PON2: variants seen among roughly 807,000 people sequenced by gnomAD.
PON2 encodes paraoxonase 2.
A neutral mutation model predicts 36.6 loss-of-function variants in PON2; 27 were observed. The ratio of observed to expected loss-of-function variants is 0.74; its 90% CI spans 0.54 to 1.02. The LOEUF (loss-of-function observed/expected upper bound fraction) is 1.02, where lower values mean the gene tolerates loss of function less well. Among genes scored for constraint, PON2 ranks in the 50% least tolerant of loss-of-function variants. The pLI, the probability that PON2 is intolerant of heterozygous loss-of-function variation, is 0.00. For missense variants in PON2, 363 were observed against 421.1 expected (o/e 0.86, Z 1.21); for synonymous variants, 149 against 156.3 (o/e 0.95, Z 0.35).
At chr7:95,405,954 A>C (rs1370883458) in intron 8 of PON2, among the ~76,000 whole-genome samples, 165 bp downstream of exon 8, 4 of 152,234 alleles carry the variant, frequency 2.6e-5, no homozygotes, top group Non-Finnish European at 5.9e-5. Flanking sequence ...TGAACAATGT[A>C]ACATTCTGCC....
rs1290259327 is a variant in PON2 at position 95,405,186 on chromosome 7, A to C, written c.*144T>G. 2.3e-6 allele frequency: 2 copies of C among 860,118 alleles called. No homozygotes were observed. Among genetic ancestry groups the C allele is most frequent in the African/African-American group, 1.7e-5 (1 of 58,654 alleles). The allele number at this position is 860,118 out of a possible 1,614,324, so 53.3% of individuals were successfully genotyped here. A position where few individuals can be genotyped will look rare whatever the true frequency, so the allele number is the denominator to read the frequency against. On this transcript the variant is annotated 3_prime_UTR_variant, in exon 9 of 9. Coordinates refer to ENST00000222572, the MANE Select transcript of PON2 (RefSeq NM_000305.3). ...TTTTGTTAAAAGTGCTCTAAGAACT[A>C]AAAGGGCCGTTCCTTACTGGAATAA...
chr7:95,420,818 T>C (rs1207805800), intron 2 of PON2, among the ~76,000 whole-genome samples: 1 of 152,182 alleles, frequency 6.6e-6, no homozygotes, highest in Non-Finnish European at 1.5e-5. Context: ...TTTGCCTGTA[T>C]AGAAATGTGT....
intron 3 of PON2, among the ~76,000 whole-genome samples, chr7:95,414,467 C>G (rs766504187): frequency 7.2e-5 from 11 of 152,096 alleles, no homozygotes; most frequent in Admixed American, 3.9e-4. Flanking sequence ...ATCTTTGTAA[C>G]TATAACATGC....
chr7:95,424,270 C>CTT lies in PON2; in HGVS notation c.145+244_145+245insAA. ...AAAATAGTTCAGAGAAGTCACAAAA[C>CTT]AAGCAAGAAATCAAATGCTAAACAT... On this transcript the variant is annotated intron_variant, in intron 2 of 8. Coordinates refer to ENST00000222572, the MANE Select transcript of PON2 (RefSeq NM_000305.3). 5.7e-6 allele frequency: 3 copies of CTT among 528,040 alleles called. No homozygotes were observed. In the South Asian group the frequency reaches 6.6e-5, roughly 12 times the overall value. 32.7% of individuals were successfully genotyped at this position (528,040 alleles called of 1,614,324 possible).
At chr7:95,418,447 T>C (rs1789121270) in intron 2 of PON2, 1 of 152,196 alleles carries the variant, frequency 6.6e-6, no homozygotes, top group Non-Finnish European at 1.5e-5. Context: ...TTAATGAATT[T>C]CCTCTCTCAG....
At chr7:95,434,815 G>A (rs1199672778) in intron 1 of PON2, 63 bp downstream of exon 1, 15 of 1,508,066 alleles carry the variant, frequency 9.9e-6, no homozygotes, top group South Asian at 8.6e-5. Flanking sequence ...CGCCCTCCCC[G>A]CACCACGCGG....
At chr7:95,406,877 T>C (rs549788935) in intron 7 of PON2, 110 bp downstream of exon 7, 21 of 667,002 alleles carry the variant, frequency 3.1e-5, no homozygotes, top group South Asian at 2.6e-4. Context: ...AAACCCAGAA[T>C]AGCTACACTG....
chr7:95,418,906 AC>A (rs1338605062), intron 2 of PON2, among the ~76,000 whole-genome samples: 1 of 152,110 alleles, frequency 6.6e-6, no homozygotes, highest in Non-Finnish European at 1.5e-5. Flanking sequence ...TATACCCAGT[AC>A]CCACCTTCAA....
At position 95,412,302 on chromosome 7, in the gene PON2, T is replaced by C. The variant is rs756257715; in HGVS notation, c.367+10A>G. 1.9e-6 allele frequency: 3 copies of C among 1,614,060 alleles called. No individual in the cohort carries two copies. In the South Asian group the frequency reaches 3.3e-5, roughly 18 times the overall value. ...ACGTTACTAAATGTTGGTAGCCCAT[T>C]GGCTCTTACCGTTGTCTATGAAAGT... is the stretch of plus-strand genomic sequence containing the variant. On this transcript the variant is annotated intron_variant, in intron 4 of 8. Transcript: ENST00000222572.
chr7:95,406,223 C>T lies in PON2; in HGVS notation c.802G>A (p.Asp268Asn). The T allele has an allele frequency of 6.2e-7, 1 of 1,611,770 alleles. No homozygotes were observed. Among genetic ancestry groups the T allele is most frequent in the East Asian group, 2.2e-5 (1 of 44,834 alleles). ...LKVLELDTLV[D>N]NLSIDPSSGD... ...GAGGAAGGATCAATAGATAAATTAT[C>T]CACCAGTGTATCCAGCTCAAGTACC... is the stretch of plus-strand genomic sequence containing the variant. The change falls in exon 8 of 9, where the codon GAT (aspartate) becomes AAT (asparagine). Residue 268 changes from aspartate (D) to asparagine (N), a missense_variant. Coordinates refer to ENST00000222572, the MANE Select transcript of PON2 (RefSeq NM_000305.3).
Position 95,411,624 on chromosome 7 carries a change from A to G in PON2, c.494+29T>C, listed in dbSNP as rs1470273480. 5.6e-6 allele frequency: 9 copies of G among 1,613,514 alleles called. No homozygotes were observed. The South Asian group carries it at 8.8e-5, about 16-fold the overall frequency. ...GATTGTTTGCAAATGCTGGGGATAA[A>G]TTAGAGAAGGAACAAAATGAGGAAG... On this transcript the variant is annotated intron_variant, in intron 5 of 8. Transcript: ENST00000222572.
rs78880751 is a variant in PON2, at chr7:95,406,765, A to C, written c.777+222T>G. Among the ~76,000 whole-genome samples the C allele has an allele frequency of 8.4e-3, 1,281 of 152,212 alleles. 6 individuals carry two copies. The highest frequency in any genetic ancestry group is 0.015 in the Non-Finnish European group (992 of 67,998). Reference sequence around the variant, plus strand: ...TCAATACTTCATGGAATGGGCCCTAAATCTGATGAATATCACTCTCAACCT... The same window carrying C: ...TCAATACTTCATGGAATGGGCCCTACATCTGATGAATATCACTCTCAACCT... On this transcript the variant is annotated intron_variant, in intron 7 of 8. Coordinates refer to ENST00000222572, the MANE Select transcript of PON2 (RefSeq NM_000305.3).
At chr7:95,421,640 T>C (rs1037718994) in intron 2 of PON2, among the ~76,000 whole-genome samples, 2 of 152,094 alleles carry the variant, frequency 1.3e-5, no homozygotes, top group African/African-American at 4.8e-5. Context: ...CACTTAGTGT[T>C]TGGGCAATTG....
rs1474255984 is a variant in PON2 at position 95,416,269 on chromosome 7, A to G, written c.174T>C (p.Leu58=). The part of the protein sequence containing the change: ...IEAGSEDIDI[L]PNGLAFFSVG... ...CACTAAAAAAAGCCAGACCATTGGG[A>G]AGTATGTCAATATCTTCAGAGCCAG... The change falls in exon 3 of 9, where the codon CTT becomes CTC. Residue 58 remains leucine (L), a synonymous_variant. Transcript: ENST00000222572. 1 of 1,613,508 alleles carries G rather than the reference A, an allele frequency of 6.2e-7. No individual in the cohort carries two copies.
chr7:95,407,911 C>G lies in PON2; in HGVS notation c.696-843G>C, dbSNP rs991521504. On this transcript the variant is annotated intron_variant, in intron 6 of 8. Coordinates refer to ENST00000222572, the MANE Select transcript of PON2 (RefSeq NM_000305.3). Reference sequence around the variant, plus strand: ...AGATGAGGACGGAGGAGGCACTTCCCAGGCAGAAGCAAGCACAAGAGCAGA... The same window carrying G: ...AGATGAGGACGGAGGAGGCACTTCCGAGGCAGAAGCAAGCACAAGAGCAGA... Among the ~76,000 whole-genome samples the G allele has an allele frequency of 3.1e-4, 47 of 152,100 alleles. 1 individual carries two copies. Among genetic ancestry groups the G allele is most frequent in the African/African-American group, 1.1e-3 (44 of 41,426 alleles).
chr7:95,410,675 C>T (rs183746057), intron 5 of PON2, among the ~76,000 whole-genome samples: 1 of 152,174 alleles, frequency 6.6e-6, no homozygotes, highest in African/African-American at 2.4e-5. Flanking sequence ...TAGTACAATG[C>T]TTCAGGTGAG....
At chr7:95,420,326 A>T (rs566458543) in intron 2 of PON2, among the ~76,000 whole-genome samples, 1 of 152,316 alleles carries the variant, frequency 6.6e-6, no homozygotes, top group East Asian at 1.9e-4. Context: ...TCAAATTTTG[A>T]AGGCCAGACA....
At chr7:95,410,949 T>C (rs566446959) in intron 5 of PON2, among the ~76,000 whole-genome samples, 1 of 152,266 alleles carries the variant, frequency 6.6e-6, no homozygotes, top group African/African-American at 2.4e-5. Context: ...ATGCCCTAGA[T>C]AGGCATAGAT....
At chr7:95,417,690 GACACACACACACAC>G (rs555142509) in intron 2 of PON2, among the ~76,000 whole-genome samples, 5 of 93,876 alleles carry the variant, frequency 5.3e-5, no homozygotes, top group Admixed American at 1.0e-4. Flanking sequence ...TGTACACACA[GACACACACACACAC>G]ACACACACAC....
Sources: allele counts gnomAD v4.1 joint callset (sites outside exome capture counted in the v4.1 genomes callset), GRCh38; gene constraint gnomAD v4.1.1; transcripts MANE v1.5; gene names NCBI Gene and HGNC (gene_info 2026-07-23, HGNC 2026-07-21).